The following MAOA variants were observed in gnomAD, a reference collection of about 807,000 sequenced individuals.
The protein encoded by MAOA is amine oxidase [flavin-containing] A.
Under a neutral mutation model 42.0 loss-of-function variants are expected in MAOA, and 6 were observed. That is an observed-to-expected ratio of 0.14 (90% confidence interval 0.08 to 0.28). The LOEUF is 0.28. Ranked by LOEUF, MAOA falls within the 10% of genes least tolerant of loss-of-function variation. The pLI, the probability that MAOA is intolerant of heterozygous loss-of-function variation, is 1.00. For synonymous variants in MAOA, 140 were observed against 154.0 expected, an observed-to-expected ratio of 0.91 and a Z score of 0.67; for missense variants, 262 against 422.3, an observed-to-expected ratio of 0.62 and a Z score of 3.33.
intron 12 of MAOA, among the ~76,000 whole-genome samples, chrX:43,742,875 C>T (rs1367567418): frequency 4.0e-5 from 4 of 101,042 alleles, no homozygotes; most frequent in Admixed American, 3.3e-4. Context: ...TATTTATTAA[C>T]CTTTTCGTTA....
chrX:43,692,042 C>CAT (rs1491111990), intron 2 of MAOA, among the ~76,000 whole-genome samples: 7 of 107,900 alleles, frequency 6.5e-5, no homozygotes, highest in African/African-American at 1.4e-4. Context: ...CACACACGCA[C>CAT]GCACACATCT....
intron 2 of MAOA, among the ~76,000 whole-genome samples, chrX:43,685,417 G>A (rs768492487): frequency 1.3e-4 from 15 of 111,809 alleles, no homozygotes; most frequent in Non-Finnish European, 2.8e-4. Flanking sequence ...GGGAAAGTAA[G>A]TATTTCACAA....
rs2033877361 is a variant in MAOA, at chrX:43,731,111, T to C, written c.646-130T>C. The stretch of plus-strand genomic sequence containing the variant: ...CTGCCTCTGTCCTAATGAAGTCTTC[T>C]GACAGTTAAGTGTGCAGACGTTAGA... On this transcript the variant is annotated intron_variant, in intron 6 of 14. Transcript: ENST00000338702. 20 of 611,635 alleles carry C rather than the reference T, an allele frequency of 3.3e-5. No individual in the cohort carries two copies. In the South Asian group the frequency reaches 4.8e-4, roughly 15 times the overall value. 50.4% of individuals were successfully genotyped at this position (611,635 alleles called of 1,213,427 possible).
rs765682157 is a variant in MAOA at position 43,743,912 on chromosome X, A to G, written c.1374+7A>G. 22 of 1,166,693 alleles carry G rather than the reference A, an allele frequency of 1.9e-5. No individual in the cohort carries two copies. Among genetic ancestry groups the G allele is most frequent in the Admixed American group, 7.8e-5 (3 of 38,567 alleles). On this transcript the variant is annotated splice_region_variant and intron_variant, in intron 13 of 14. Transcript: ENST00000338702. ...AGAACGAGCAGCTAGGGAGGTAAGCAGGAAAGCCCAGGCTCTCTCCCTCCC... is the reference window on the plus strand; with the variant it reads ...AGAACGAGCAGCTAGGGAGGTAAGCGGGAAAGCCCAGGCTCTCTCCCTCCC...
chrX:43,734,583 C>A (rs766087389), intron 9 of MAOA, among the ~76,000 whole-genome samples: 1 of 111,911 alleles, frequency 8.9e-6, no homozygotes, highest in Non-Finnish European at 1.9e-5. Context: ...GCCACAGCCA[C>A]GAAAACCTTG....
In MAOA at chrX:43,703,534, A is replaced by C. The variant is rs1372090118; in HGVS notation, c.307-8338A>C. 1.8e-5 allele frequency among the ~76,000 whole-genome samples: 2 copies of C among 112,314 alleles called. 1 individual carries two copies. Among genetic ancestry groups the C allele is most frequent in the Non-Finnish European group, 3.8e-5 (2 of 53,248 alleles). ...TCCCATGTGTAACATTTGGAAAATA[A>C]ACATTCTGGTTGTCACAGCTTCTAT... is the stretch of plus-strand genomic sequence containing the variant. On this transcript the variant is annotated intron_variant, in intron 3 of 14. Transcript: ENST00000338702.
intron 1 of MAOA, among the ~76,000 whole-genome samples, chrX:43,675,100 C>T (rs1214900621): frequency 6.3e-5 from 7 of 111,668 alleles, no homozygotes; most frequent in Admixed American, 1.9e-4. Context: ...GATTTGGTCT[C>T]TTCACATAGT....
At chrX:43,669,077 A>G (rs61345481) in intron 1 of MAOA, among the ~76,000 whole-genome samples, 1,109 of 110,038 alleles carry the variant, frequency 0.01, 16 homozygotes, top group African/African-American at 0.034. Flanking sequence ...TTTTTCCATC[A>G]TATTCCAATT....
At chrX:43,692,464 T>C (rs1304753479) in intron 2 of MAOA, among the ~76,000 whole-genome samples, 2 of 111,134 alleles carry the variant, frequency 1.8e-5, no homozygotes, top group South Asian at 3.8e-4. Flanking sequence ...GAGAAAGATA[T>C]CATCTTCCTA....
chrX:43,714,549 T>C (rs1281917610), intron 5 of MAOA, among the ~76,000 whole-genome samples: 2 of 109,774 alleles, frequency 1.8e-5, no homozygotes, highest in East Asian at 5.8e-4. Flanking sequence ...AGAGGTGTAG[T>C]GGGGAGACAG....
At chrX:43,681,788 G>A (rs1474185848) in intron 1 of MAOA, among the ~76,000 whole-genome samples, 1 of 107,555 alleles carries the variant, frequency 9.3e-6, no homozygotes, top group Non-Finnish European at 1.9e-5. Flanking sequence ...GAAGTATAAA[G>A]TTAACTAGGA....
intron 1 of MAOA, among the ~76,000 whole-genome samples, chrX:43,676,171 A>G (rs2033393725): frequency 9.0e-6 from 1 of 111,483 alleles, no homozygotes; most frequent in Non-Finnish European, 1.9e-5. Context: ...CCCCAACCTC[A>G]CTGCCACCTT....
intron 3 of MAOA, among the ~76,000 whole-genome samples, chrX:43,697,274 T>C (rs1318976828): frequency 5.3e-5 from 6 of 112,181 alleles, no homozygotes; most frequent in Non-Finnish European, 1.1e-4. Context: ...TTTGTGCTTG[T>C]CCTGGCTCTT....
intron 1 of MAOA, among the ~76,000 whole-genome samples, chrX:43,678,692 T>C (rs1184031375): frequency 9.0e-6 from 1 of 110,865 alleles, no homozygotes; most frequent in Non-Finnish European, 1.9e-5. Flanking sequence ...CAAAAAAGAG[T>C]TGGTTATAAT....
At chrX:43,655,226 G>T (rs2033168193), upstream of MAOA, 1 of 89,607 alleles carries the variant, frequency 1.1e-5, no homozygotes. Flanking sequence ...CGGAGGGCCC[G>T]CCCGAAGCCG....
At chrX:43,717,318 A>G (rs948759289) in intron 5 of MAOA, among the ~76,000 whole-genome samples, 4 of 111,405 alleles carry the variant, frequency 3.6e-5, no homozygotes, top group Non-Finnish European at 5.7e-5. Context: ...ATCTTCCAGA[A>G]ATGAGTCACA....
chrX:43,661,859 A>C (rs1009996128), intron 1 of MAOA, among the ~76,000 whole-genome samples: 21 of 111,525 alleles, frequency 1.9e-4, no homozygotes, highest in African/African-American at 6.5e-4. Flanking sequence ...ATTTTTGTCC[A>C]TCAGCTGAGC....
intron 5 of MAOA, among the ~76,000 whole-genome samples, chrX:43,726,132 A>C (rs1186178711): frequency 9.0e-6 from 1 of 111,242 alleles, no homozygotes. Flanking sequence ...ACCTTGGTGA[A>C]TCTGACAATT....
chrX:43,680,447 A>G (rs1368579507), intron 1 of MAOA, among the ~76,000 whole-genome samples: 1 of 111,443 alleles, frequency 9.0e-6, no homozygotes, highest in African/African-American at 3.3e-5. Context: ...TCATCCCAGT[A>G]GTATTATTTA....
Sources: gnomAD v4.1 joint callset for allele counts (sites outside exome capture counted in the v4.1 genomes callset) on GRCh38, gnomAD v4.1.1 for gene constraint, MANE v1.5 for transcripts, NCBI Gene and HGNC (gene_info 2026-07-23, HGNC 2026-07-21) for gene names.